The following MACROD2 variants were observed in gnomAD, a reference collection of about 807,000 sequenced individuals.
MACROD2 encodes ADP-ribose glycohydrolase MACROD2.
In MACROD2, 36 loss-of-function variants were observed where a neutral mutation model predicts 70.4. That is an observed-to-expected ratio of 0.51 (90% confidence interval 0.39 to 0.68). The LOEUF (loss-of-function observed/expected upper bound fraction) is 0.68, where lower values mean the gene tolerates loss of function less well. Ranked by LOEUF, MACROD2 falls within the 30% of genes least tolerant of loss-of-function variation. The pLI is 0.00. For synonymous variants in MACROD2, 172 were observed against 178.8 expected (o/e 0.96, Z 0.30); for missense variants, 496 against 538.4 (o/e 0.92, Z 0.78).
Position 15,073,936 on chromosome 20 carries a change from A to T in MACROD2, c.419-156004A>T, listed in dbSNP as rs1200029708. Among the ~76,000 whole-genome samples, 4 of 152,286 alleles carry T rather than the reference A, an allele frequency of 2.6e-5. No individual in the cohort carries two copies. In the South Asian group the frequency reaches 8.3e-4, roughly 32 times the overall value. Reference sequence around the variant, plus strand: ...TGTACTTTTAGAATTTGATATAGAAAATATTACCAGAAAAATTATAACAAA... The same window carrying T: ...TGTACTTTTAGAATTTGATATAGAATATATTACCAGAAAAATTATAACAAA... On this transcript the variant is annotated intron_variant, in intron 5 of 17. Transcript: ENST00000684519.
chr20:15,590,358 T>C (rs1315061875), intron 8 of MACROD2, among the ~76,000 whole-genome samples: 1 of 152,212 alleles, frequency 6.6e-6, no homozygotes, highest in Non-Finnish European at 1.5e-5. Context: ...GGTATCTTTC[T>C]TACAGTTGCA....
Position 14,553,317 on chromosome 20 carries a change from A to G in MACROD2, c.301+59809A>G, listed in dbSNP as rs994067110. 2.0e-5 allele frequency among the ~76,000 whole-genome samples: 3 copies of G among 151,814 alleles called. No individual in the cohort carries two copies. The East Asian group carries it at 5.8e-4, about 29-fold the overall frequency. On this transcript the variant is annotated intron_variant, in intron 4 of 17. Transcript: ENST00000684519. ...TCCCAGTGGAATGTCTTCAGGGCCA[A>G]TACATGCATGGAACTGTCATCTCCT...
chr20:14,088,448 T>A (rs1314671153), intron 3 of MACROD2, among the ~76,000 whole-genome samples: 3 of 151,182 alleles, frequency 2.0e-5, no homozygotes, highest in Non-Finnish European at 4.4e-5. Flanking sequence ...TTTAAATTTT[T>A]AAAAAATGTT....
intron 4 of MACROD2, among the ~76,000 whole-genome samples, chr20:14,634,109 C>T (rs1352255986): frequency 6.6e-6 from 1 of 152,206 alleles, no homozygotes; most frequent in Non-Finnish European, 1.5e-5. Flanking sequence ...ACCCGCCACA[C>T]CCCCACTTCT....
At chr20:15,059,354 C>T (rs2123074574) in intron 5 of MACROD2, among the ~76,000 whole-genome samples, 1 of 151,388 alleles carries the variant, frequency 6.6e-6, no homozygotes, top group South Asian at 2.1e-4. Context: ...CACTGCACTC[C>T]AGCCTGGGAG....
intron 5 of MACROD2, among the ~76,000 whole-genome samples, chr20:14,749,075 A>T (rs997917064): frequency 2.0e-5 from 3 of 152,110 alleles, no homozygotes; most frequent in Non-Finnish European, 2.9e-5. Flanking sequence ...GTTTTGTCTC[A>T]TACAAATAAT....
chr20:14,809,502 C>A (rs1031987573), intron 5 of MACROD2, among the ~76,000 whole-genome samples: 5 of 151,880 alleles, frequency 3.3e-5, no homozygotes, highest in Admixed American at 6.6e-5. Flanking sequence ...AAAATTGACA[C>A]CCTAACATCA....
intron 5 of MACROD2, among the ~76,000 whole-genome samples, chr20:14,799,057 T>C (rs1208117114): frequency 6.6e-6 from 1 of 152,042 alleles, no homozygotes; most frequent in African/African-American, 2.4e-5. Flanking sequence ...ACATTCTTCC[T>C]AACATACATT....
intron 4 of MACROD2, among the ~76,000 whole-genome samples, chr20:14,678,297 CA>C (rs1337502650): frequency 6.6e-6 from 1 of 152,172 alleles, no homozygotes; most frequent in African/African-American, 2.4e-5. Flanking sequence ...CTCAGTCTCA[CA>C]ACCCCCTAAA....
At chr20:15,571,307 A>C (rs574731002) in intron 8 of MACROD2, among the ~76,000 whole-genome samples, 2 of 152,238 alleles carry the variant, frequency 1.3e-5, no homozygotes, top group South Asian at 4.1e-4. Context: ...TTGAGACAGA[A>C]ATGATTATTT....
At chr20:14,088,559 T>C (rs2054111162) in intron 3 of MACROD2, among the ~76,000 whole-genome samples, 1 of 152,172 alleles carries the variant, frequency 6.6e-6, no homozygotes, top group African/African-American at 2.4e-5. Context: ...GGAAGTACAA[T>C]TGATCATATC....
At chr20:14,025,621 C>A (rs779708462) in intron 2 of MACROD2, among the ~76,000 whole-genome samples, 2 of 152,140 alleles carry the variant, frequency 1.3e-5, no homozygotes, top group Non-Finnish European at 2.9e-5. Flanking sequence ...CATTCAGGAG[C>A]AGGTTGTTTA....
intron 7 of MACROD2, among the ~76,000 whole-genome samples, chr20:15,445,975 A>G (rs1340612802): frequency 1.3e-5 from 2 of 152,152 alleles, no homozygotes; most frequent in African/African-American, 2.4e-5. Context: ...AAGCTTCCTC[A>G]TATGTTAGAT....
intron 3 of MACROD2, among the ~76,000 whole-genome samples, chr20:14,471,569 T>G (rs2084531234): frequency 6.6e-6 from 1 of 152,200 alleles, no homozygotes; most frequent in Non-Finnish European, 1.5e-5. Context: ...TGTTAATTGA[T>G]GGCACTGTTA....
chr20:13,995,548 C>A lies in MACROD2; in HGVS notation c.-216C>A. Reference sequence around the variant, plus strand: ...TCTGAGGTGCTGCTGTGGCGGCGTCCGCGGGGCTGAGGCGGGTGGGAGCCG... The same window carrying A: ...TCTGAGGTGCTGCTGTGGCGGCGTCAGCGGGGCTGAGGCGGGTGGGAGCCG... On this transcript the variant is annotated 5_prime_UTR_variant, in exon 1 of 18. Coordinates refer to ENST00000684519, the MANE Select transcript of MACROD2 (RefSeq NM_001351661.2). This position sits in a 1 kb window ranked among gnomAD's most constrained non-coding sequence, Gnocchi z 4.3. The A allele has an allele frequency of 9.4e-6, 6 of 638,810 alleles. No individual in the cohort carries two copies. The highest frequency in any genetic ancestry group is 1.7e-5 in the Non-Finnish European group (6 of 348,168). 39.6% of individuals were successfully genotyped at this position (638,810 alleles called of 1,614,324 possible).
chr20:14,145,813 A>C (rs1313498625), intron 3 of MACROD2, among the ~76,000 whole-genome samples: 1 of 152,208 alleles, frequency 6.6e-6, no homozygotes, highest in South Asian at 2.1e-4. Context: ...TAAATGTACA[A>C]ATTTTCCAAA....
intron 2 of MACROD2, among the ~76,000 whole-genome samples, chr20:14,045,906 A>G (rs1180254219): frequency 6.6e-6 from 1 of 152,262 alleles, no homozygotes; most frequent in East Asian, 1.9e-4. Context: ...TGGGTTAAGT[A>G]GATTGAACTC....
chr20:14,515,602 G>A (rs532543684), intron 4 of MACROD2, among the ~76,000 whole-genome samples: 1 of 151,942 alleles, frequency 6.6e-6, no homozygotes, highest in South Asian at 2.1e-4. Flanking sequence ...AATAAGCCAG[G>A]CACAGAAAGA....
At chr20:15,365,565 G>A (rs2045397408) in intron 6 of MACROD2, among the ~76,000 whole-genome samples, 1 of 151,878 alleles carries the variant, frequency 6.6e-6, no homozygotes, top group Non-Finnish European at 1.5e-5. Flanking sequence ...GGAGGCTGAG[G>A]CAGGAGAATC....
Sources: gnomAD v4.1 joint callset for allele counts (sites outside exome capture counted in the v4.1 genomes callset) on GRCh38, gnomAD v4.1.1 for gene constraint, Gnocchi (gnomAD v3.1) non-coding constraint, MANE v1.5 for transcripts, NCBI Gene and HGNC (gene_info 2026-07-23, HGNC 2026-07-21) for gene names.